DSG2: variants seen among roughly 807,000 people sequenced by gnomAD.
DSG2 encodes the protein desmoglein-2.
In DSG2, 45 loss-of-function variants were observed where a neutral mutation model predicts 75.6. That is an observed-to-expected ratio of 0.60 (90% confidence interval 0.47 to 0.76). The LOEUF is 0.76. DSG2 is among the 30% of genes least tolerant of loss of function. DSG2 has a pLI of 0.00. For synonymous variants in DSG2, 429 were observed against 483.9 expected, an observed-to-expected ratio of 0.89 and a Z score of 1.49; for missense variants, 1,267 against 1,357.4, an observed-to-expected ratio of 0.93 and a Z score of 1.05.
At chr18:31,536,057 G>C in intron 10 of DSG2, 145 bp from the exon 11 acceptor site, 4 of 725,574 alleles carry the variant, frequency 5.5e-6, no homozygotes, top group Non-Finnish European at 9.4e-6. Context: ...GATATTACTT[G>C]GTCCAAATTT....
chr18:31,512,005 A>G (rs909147654), intron 1 of DSG2, among the ~76,000 whole-genome samples: 2 of 152,154 alleles, frequency 1.3e-5, no homozygotes, highest in African/African-American at 4.8e-5. Context: ...CATTACATTA[A>G]AGATGTACAA....
At chr18:31,508,646 T>C (rs1229679019) in intron 1 of DSG2, among the ~76,000 whole-genome samples, 2 of 152,112 alleles carry the variant, frequency 1.3e-5, no homozygotes, top group African/African-American at 4.8e-5. Flanking sequence ...TGCCTACCTC[T>C]GCCTCCCAAA....
At chr18:31,509,234 A>G (rs921450948) in intron 1 of DSG2, among the ~76,000 whole-genome samples, 35 of 152,304 alleles carry the variant, frequency 2.3e-4, no homozygotes, top group Admixed American at 1.1e-3. Flanking sequence ...TTTCAAAGAA[A>G]CTGTCTTCCT....
chr18:31,544,321 C>A (rs1003568071), intron 14 of DSG2, among the ~76,000 whole-genome samples: 1 of 151,302 alleles, frequency 6.6e-6, no homozygotes, highest in Admixed American at 6.6e-5. Context: ...AAAATTAAAA[C>A]CAGAGATCAG....
At chr18:31,506,118 C>T (rs150648835) in intron 1 of DSG2, among the ~76,000 whole-genome samples, 28 of 152,136 alleles carry the variant, frequency 1.8e-4, no homozygotes, top group Admixed American at 7.2e-4. Flanking sequence ...TTTGAATATC[C>T]GCTGTGTGCC....
In DSG2 at chr18:31,548,243, T is replaced by C. The variant is rs916508854; in HGVS notation, c.*1500T>C. On this transcript the variant is annotated 3_prime_UTR_variant, in exon 15 of 15. Coordinates refer to ENST00000261590, the MANE Select transcript of DSG2 (RefSeq NM_001943.5). The stretch of plus-strand genomic sequence containing the variant: ...GTTATCTCCTAAATAGGTTATATTT[T>C]ATTGCTTCTAGAAACAATGTTTCAA... 3 of 152,204 alleles carry C rather than the reference T, an allele frequency of 2.0e-5. No homozygotes were observed. Among genetic ancestry groups the C allele is most frequent in the Non-Finnish European group, 4.4e-5 (3 of 68,022 alleles). 9.4% of individuals were successfully genotyped at this position (152,204 alleles called of 1,614,324 possible). A position where few individuals can be genotyped will look rare whatever the true frequency, so the allele number is the denominator to read the frequency against.
Position 31,535,427 on chromosome 18 carries a change from A to G in DSG2, c.1423+15A>G, listed in dbSNP as rs2073223812. Reference sequence around the variant, plus strand: ...CATATCAGAAGGTAAGTTATTAAATAGATCTTTTTCTTGATTATATGTATT... The same window carrying G: ...CATATCAGAAGGTAAGTTATTAAATGGATCTTTTTCTTGATTATATGTATT... On this transcript the variant is annotated intron_variant, in intron 10 of 14. Transcript: ENST00000261590. The G allele has an allele frequency of 6.3e-7, 1 of 1,585,244 alleles. No homozygotes were observed. Among genetic ancestry groups the G allele is most frequent in the Non-Finnish European group, 8.7e-7 (1 of 1,155,572 alleles).
intron 11 of DSG2, among the ~76,000 whole-genome samples, chr18:31,537,357 C>T (rs760772720): frequency 1.1e-4 from 16 of 152,184 alleles, no homozygotes; most frequent in Non-Finnish European, 1.5e-4. Flanking sequence ...CGGTGGCTCA[C>T]GCCTGTAATC....
chr18:31,512,753 C>G (rs1226747916), intron 1 of DSG2, among the ~76,000 whole-genome samples: 4 of 152,188 alleles, frequency 2.6e-5, no homozygotes, highest in Non-Finnish European at 5.9e-5. Flanking sequence ...AGATGCAGCC[C>G]CTTCTGAGAG....
intron 11 of DSG2, 94 bp downstream of exon 11, chr18:31,536,523 C>G: frequency 1.5e-6 from 2 of 1,306,100 alleles, no homozygotes; most frequent in Non-Finnish European, 2.1e-6. Flanking sequence ...AATTATATTT[C>G]CAATATAGTT....
chr18:31,499,052 C>G (rs2073000198), intron 1 of DSG2, among the ~76,000 whole-genome samples: 1 of 145,046 alleles, frequency 6.9e-6, no homozygotes, highest in Non-Finnish European at 1.5e-5. Flanking sequence ...ATTTAGAGTT[C>G]TTTTGCTCAA....
chr18:31,513,149 GA>G (rs1236351740), intron 1 of DSG2, among the ~76,000 whole-genome samples: 1 of 152,206 alleles, frequency 6.6e-6, no homozygotes, highest in Non-Finnish European at 1.5e-5. Flanking sequence ...CTAGGTTAAA[GA>G]AAAGAATGTT....
At chr18:31,544,604 TAAG>T (rs2073292295) in intron 14 of DSG2, among the ~76,000 whole-genome samples, 2 of 151,350 alleles carry the variant, frequency 1.3e-5, no homozygotes, top group African/African-American at 2.4e-5. Flanking sequence ...CAAAAAGTAA[TAAG>T]AAAAAAAATT....
In DSG2 at chr18:31,520,462, AT is replaced by A. The variant is rs201987953; in HGVS notation, c.217-334del. Among the ~76,000 whole-genome samples, 80 of 152,052 alleles carry A rather than the reference AT, an allele frequency of 5.3e-4. 3 individuals carry two copies. The East Asian group carries it at 0.013, about 25-fold the overall frequency. ...TGGCATGCACAAACATAAACCCTTC[AT>A]TTTTTTCCCCCCAAAGCTTTTCTTC... On this transcript the variant is annotated intron_variant, in intron 3 of 14. Transcript: ENST00000261590.
chr18:31,506,399 A>G (rs1052377634), intron 1 of DSG2, among the ~76,000 whole-genome samples: 2 of 152,230 alleles, frequency 1.3e-5, no homozygotes, highest in African/African-American at 4.8e-5. Flanking sequence ...AACTGTACAT[A>G]TAACTTTCTA....
chr18:31,510,208 T>C (rs1289009258), intron 1 of DSG2, among the ~76,000 whole-genome samples: 3 of 152,244 alleles, frequency 2.0e-5, no homozygotes, highest in African/African-American at 7.2e-5. Flanking sequence ...GCACACTGCT[T>C]ACCTTCTAGT....
intron 9 of DSG2, among the ~76,000 whole-genome samples, chr18:31,532,808 A>G (rs1598817374): frequency 6.6e-6 from 1 of 152,212 alleles, no homozygotes; most frequent in East Asian, 1.9e-4. Context: ...ACTGCTGTCT[A>G]TGGAGAAACT....
At chr18:31,505,815 C>G (rs57843942) in intron 1 of DSG2, among the ~76,000 whole-genome samples, 10,328 of 152,006 alleles carry the variant, frequency 0.068, 888 homozygotes, top group African/African-American at 0.2. Context: ...GTGCACGCCA[C>G]CACGCCCATC....
intron 1 of DSG2, among the ~76,000 whole-genome samples, chr18:31,507,541 C>T: frequency 6.6e-6 from 1 of 152,218 alleles, no homozygotes; most frequent in East Asian, 1.9e-4. Flanking sequence ...TACAGTCCCA[C>T]CAACAGTGTA....
Sources: gnomAD v4.1 joint callset for allele counts (sites outside exome capture counted in the v4.1 genomes callset) on GRCh38, gnomAD v4.1.1 for gene constraint, MANE v1.5 for transcripts, NCBI Gene and HGNC (gene_info 2026-07-23, HGNC 2026-07-21) for gene names.